RBFOX1: variants seen among roughly 807,000 people sequenced by gnomAD.
RBFOX1 encodes the protein RNA binding fox-1 homolog 1.
RBFOX1 carries 8 observed loss-of-function variants against 57.7 expected under a neutral mutation model. The ratio of observed to expected loss-of-function variants is 0.14; its 90% CI spans 0.08 to 0.25. The LOEUF is 0.25. RBFOX1 is among the 10% of genes least tolerant of loss of function. The pLI is 1.00. For synonymous variants in RBFOX1, 326 were observed against 222.4 expected (o/e 1.47, Z -4.15); for missense variants, 611 against 548.5 (o/e 1.11, Z -1.14).
At chr16:5,939,011 A>T (rs1291958160) in intron 4 of RBFOX1, among the ~76,000 whole-genome samples, 4 of 151,806 alleles carry the variant, frequency 2.6e-5, no homozygotes, top group Non-Finnish European at 5.9e-5. Flanking sequence ...CAAACAGCTT[A>T]TGTTCTCATT....
chr16:6,750,432 A>C (rs1447013141), intron 3 of RBFOX1, among the ~76,000 whole-genome samples: 3 of 152,206 alleles, frequency 2.0e-5, no homozygotes, highest in African/African-American at 7.2e-5. Flanking sequence ...TCAGGAGTAA[A>C]TTATGTTTTC....
chr16:6,670,666 T>C (rs558061354), intron 3 of RBFOX1, among the ~76,000 whole-genome samples: 8 of 152,284 alleles, frequency 5.3e-5, no homozygotes, highest in African/African-American at 1.9e-4. Context: ...GAAATAAGAA[T>C]ACTACCTTTT....
At chr16:7,420,395 G>T (rs994850166) in intron 4 of RBFOX1, among the ~76,000 whole-genome samples, 18 of 152,170 alleles carry the variant, frequency 1.2e-4, no homozygotes, top group Admixed American at 7.2e-4. Context: ...TAAGAAGGAG[G>T]TTGGTAGTTA....
chr16:5,584,851 C>T (rs1276634006), intron 2 of RBFOX1, among the ~76,000 whole-genome samples: 1 of 152,084 alleles, frequency 6.6e-6, no homozygotes, highest in Admixed American at 6.6e-5. Context: ...TTTTGAGATG[C>T]ATGGAGAGGA....
At chr16:6,957,556 C>G (rs76054990) in intron 3 of RBFOX1, among the ~76,000 whole-genome samples, 4,793 of 152,158 alleles carry the variant, frequency 0.032, 99 homozygotes, top group Middle Eastern at 0.061. Context: ...TCAGAGGTGA[C>G]TCTCATCACC....
chr16:5,305,334 A>T (rs1310584843), intron 1 of RBFOX1, among the ~76,000 whole-genome samples: 1 of 152,052 alleles, frequency 6.6e-6, no homozygotes, highest in Non-Finnish European at 1.5e-5. Context: ...TTTGGTAGAG[A>T]TTCTTCCCAT....
At chr16:6,804,157 G>A (rs763296110) in intron 3 of RBFOX1, among the ~76,000 whole-genome samples, 2 of 151,898 alleles carry the variant, frequency 1.3e-5, no homozygotes, top group South Asian at 2.1e-4. Context: ...ACAGGTGCCC[G>A]CCACCATGCC....
chr16:5,387,460 C>T (rs2066288026), intron 1 of RBFOX1, among the ~76,000 whole-genome samples: 1 of 152,198 alleles, frequency 6.6e-6, no homozygotes, highest in African/African-American at 2.4e-5. Flanking sequence ...GGGACATTGT[C>T]ATGGCCCAGT....
chr16:6,771,348 C>G (rs193160333), intron 3 of RBFOX1, among the ~76,000 whole-genome samples: 2 of 152,296 alleles, frequency 1.3e-5, no homozygotes, highest in Middle Eastern at 3.4e-3. Context: ...ATGTTGGTAT[C>G]TTCTTAGATA....
chr16:5,332,725 G>A (rs1234776878), intron 1 of RBFOX1, among the ~76,000 whole-genome samples: 4 of 151,546 alleles, frequency 2.6e-5, no homozygotes, highest in Non-Finnish European at 1.5e-5. Flanking sequence ...ATTACCATGT[G>A]TAGATATTAT....
At chr16:7,004,273 A>G (rs1042977711) in intron 3 of RBFOX1, among the ~76,000 whole-genome samples, 5 of 152,198 alleles carry the variant, frequency 3.3e-5, no homozygotes, top group Non-Finnish European at 7.3e-5. Context: ...ACAACGCATT[A>G]TATATTAATT....
rs138325923 is a variant in RBFOX1, at chr16:7,167,060, G to A, written c.27+114962G>A. Among the ~76,000 whole-genome samples, 153 of 131,320 alleles carry A rather than the reference G, an allele frequency of 1.2e-3. 1 individual carries two copies. In the East Asian group the frequency reaches 0.029, roughly 25 times the overall value. The allele number at this position is 131,320 out of a possible 152,430, so 86.2% of individuals were successfully genotyped here. ...GAGTGCAGTGGTGTGATCTCAGCTCGCTGCAACCTCCGTCCCCTGGGTTCA... is the reference window on the plus strand; with the variant it reads ...GAGTGCAGTGGTGTGATCTCAGCTCACTGCAACCTCCGTCCCCTGGGTTCA... On this transcript the variant is annotated intron_variant, in intron 4 of 15. Transcript: ENST00000550418.
intron 3 of RBFOX1, among the ~76,000 whole-genome samples, chr16:6,988,053 A>C (rs58025109): frequency 0.11 from 17,146 of 152,160 alleles, 1,489 homozygotes; most frequent in East Asian, 0.27. Flanking sequence ...GCTATTAGTT[A>C]CCCCACATTC....
intron 1 of RBFOX1, among the ~76,000 whole-genome samples, chr16:6,302,687 A>G (rs964649862): frequency 6.6e-5 from 10 of 152,138 alleles, no homozygotes; most frequent in African/African-American, 2.4e-4. Context: ...AAGAAAGAAC[A>G]TTTTTAAAAC....
intron 2 of RBFOX1, among the ~76,000 whole-genome samples, chr16:6,559,764 C>T (rs550233470): frequency 5.9e-5 from 9 of 151,894 alleles, no homozygotes; most frequent in Admixed American, 5.9e-4. Flanking sequence ...TATTGAACAC[C>T]TACTATGTGC....
At chr16:6,544,792 G>T (rs1219024101) in intron 2 of RBFOX1, among the ~76,000 whole-genome samples, 1 of 152,184 alleles carries the variant, frequency 6.6e-6, no homozygotes, top group East Asian at 1.9e-4. Context: ...ATTGAATGAT[G>T]CTGAGCACGT....
chr16:7,590,593 C>G (rs968673046), intron 7 of RBFOX1, among the ~76,000 whole-genome samples: 40 of 152,128 alleles, frequency 2.6e-4, no homozygotes, highest in African/African-American at 9.2e-4. Flanking sequence ...TGTGCGGTGG[C>G]TCACTCTTGT....
intron 4 of RBFOX1, among the ~76,000 whole-genome samples, chr16:7,343,076 G>A (rs1200812575): frequency 6.6e-6 from 1 of 152,264 alleles, no homozygotes; most frequent in East Asian, 1.9e-4. Context: ...GTTCCATGTG[G>A]CCATAGCCTT....
chr16:6,677,576 C>G (rs1316879880), intron 3 of RBFOX1, among the ~76,000 whole-genome samples: 9 of 152,138 alleles, frequency 5.9e-5, no homozygotes, highest in Admixed American at 2.0e-4. Flanking sequence ...AGAGTAATGA[C>G]TCAGCAGTTC....
Sources: allele counts gnomAD v4.1 joint callset (sites outside exome capture counted in the v4.1 genomes callset), GRCh38; gene constraint gnomAD v4.1.1; transcripts MANE v1.5; gene names NCBI Gene and HGNC (gene_info 2026-07-23, HGNC 2026-07-21).